ZNF385D: variants seen among roughly 807,000 people sequenced by gnomAD.
ZNF385D encodes the protein zinc finger protein 385D, also known as zinc finger protein 659.
ZNF385D carries 15 observed loss-of-function variants against 35.8 expected under a neutral mutation model. The ratio of observed to expected loss-of-function variants is 0.42; its 90% CI spans 0.28 to 0.64. The LOEUF (loss-of-function observed/expected upper bound fraction) is 0.64. Among genes scored for constraint, ZNF385D ranks in the 30% least tolerant of loss-of-function variants. The pLI, the probability that ZNF385D is intolerant of heterozygous loss-of-function variation, is 0.23. For missense variants in ZNF385D, 474 were observed against 494.6 expected (o/e 0.96, Z 0.39); for synonymous variants, 212 against 186.8 (o/e 1.13, Z -1.10).
chr3:21,730,626 C>A (rs1178197180), intron 1 of ZNF385D, among the ~76,000 whole-genome samples: 2 of 152,214 alleles, frequency 1.3e-5, no homozygotes, highest in African/African-American at 2.4e-5. Flanking sequence ...CACATTCTAT[C>A]TGCACAAAAT....
intron 3 of ZNF385D, among the ~76,000 whole-genome samples, chr3:22,086,198 G>T (rs1392288352): frequency 6.6e-6 from 1 of 152,170 alleles, no homozygotes; most frequent in Non-Finnish European, 1.5e-5. Context: ...GGAAGTTCTG[G>T]CCAGGGCAAT....
chr3:21,463,802 T>C (rs1020847323), intron 4 of ZNF385D, among the ~76,000 whole-genome samples: 1 of 152,182 alleles, frequency 6.6e-6, no homozygotes, highest in Non-Finnish European at 1.5e-5. Context: ...AAATTATGGA[T>C]AGAGCTGAAT....
At chr3:21,439,400 G>A (rs371998388) in intron 4 of ZNF385D, among the ~76,000 whole-genome samples, 1 of 150,338 alleles carries the variant, frequency 6.7e-6, no homozygotes, top group Non-Finnish European at 1.5e-5. Flanking sequence ...CCACTAAATT[G>A]TTCTTAGGAT....
intron 2 of ZNF385D, among the ~76,000 whole-genome samples, chr3:21,631,043 G>C (rs1321258234): frequency 6.6e-6 from 1 of 152,078 alleles, no homozygotes; most frequent in Non-Finnish European, 1.5e-5. Context: ...TGTTCTAAAA[G>C]GATATTTATA....
intron 3 of ZNF385D, among the ~76,000 whole-genome samples, chr3:22,072,958 C>G (rs1379110727): frequency 6.6e-6 from 1 of 151,950 alleles, no homozygotes; most frequent in East Asian, 1.9e-4. Context: ...AGAAGGGAGG[C>G]CACCTTGACT....
chr3:22,294,777 C>T (rs1215654148), intron 2 of ZNF385D, among the ~76,000 whole-genome samples: 4 of 152,054 alleles, frequency 2.6e-5, no homozygotes, highest in African/African-American at 9.7e-5. Context: ...AATTAATAAG[C>T]AATGTCAATG....
intron 3 of ZNF385D, among the ~76,000 whole-genome samples, chr3:21,855,666 T>C (rs1407204068): frequency 1.3e-5 from 2 of 152,060 alleles, no homozygotes; most frequent in Non-Finnish European, 2.9e-5. Context: ...AATCTCCATT[T>C]AGTCTACCCC....
chr3:21,814,306 A>G (rs1460520570), intron 3 of ZNF385D, among the ~76,000 whole-genome samples: 2 of 152,212 alleles, frequency 1.3e-5, no homozygotes, highest in Non-Finnish European at 2.9e-5. Flanking sequence ...GTGCAAAATA[A>G]CCAGCTAACA....
intron 2 of ZNF385D, among the ~76,000 whole-genome samples, chr3:22,196,365 T>C (rs1331019245): frequency 6.6e-6 from 1 of 152,058 alleles, no homozygotes; most frequent in Non-Finnish European, 1.5e-5. Flanking sequence ...AGTGTGTATT[T>C]TGCAACAATA....
At chr3:21,775,893 T>A (rs1038642158) in intron 3 of ZNF385D, among the ~76,000 whole-genome samples, 1 of 151,278 alleles carries the variant, frequency 6.6e-6, no homozygotes, top group East Asian at 1.9e-4. Flanking sequence ...ATTAGAAAAA[T>A]TTTAAAAAAT....
intron 4 of ZNF385D, among the ~76,000 whole-genome samples, chr3:21,500,416 G>A (rs187936860): frequency 1.9e-4 from 29 of 152,212 alleles, no homozygotes; most frequent in African/African-American, 7.0e-4. Flanking sequence ...AATTTCATGG[G>A]GTTGACAAGC....
intron 1 of ZNF385D, among the ~76,000 whole-genome samples, chr3:21,674,047 T>C (rs2066652184): frequency 6.6e-6 from 1 of 152,142 alleles, no homozygotes; most frequent in Non-Finnish European, 1.5e-5. Context: ...TGTTTACTCA[T>C]GATCTGTACC....
At chr3:21,778,520 T>C (rs571354360) in intron 3 of ZNF385D, among the ~76,000 whole-genome samples, 5 of 151,918 alleles carry the variant, frequency 3.3e-5, no homozygotes, top group Non-Finnish European at 7.4e-5. Context: ...TGACAGCTCT[T>C]GAAAATTCAG....
At chr3:22,040,292 A>T (rs1050082224) in intron 3 of ZNF385D, among the ~76,000 whole-genome samples, 1 of 152,194 alleles carries the variant, frequency 6.6e-6, no homozygotes, top group Non-Finnish European at 1.5e-5. Flanking sequence ...ACAAGACTAA[A>T]TTCTTCATAT....
intron 2 of ZNF385D, among the ~76,000 whole-genome samples, chr3:22,192,820 C>A (rs889444981): frequency 6.6e-6 from 1 of 152,142 alleles, no homozygotes; most frequent in Non-Finnish European, 1.5e-5. Context: ...ATTCTTGCCA[C>A]GACTTAGTGA....
intron 3 of ZNF385D, among the ~76,000 whole-genome samples, chr3:22,009,516 G>A (rs1340012316): frequency 2.0e-5 from 3 of 151,552 alleles, no homozygotes; most frequent in Admixed American, 1.3e-4. Context: ...CCAGCTACTC[G>A]GGAGGCTGAG....
intron 3 of ZNF385D, among the ~76,000 whole-genome samples, chr3:21,765,271 CT>C: frequency 6.6e-6 from 1 of 151,654 alleles, no homozygotes; most frequent in South Asian, 2.1e-4. Flanking sequence ...ATTTTACTGA[CT>C]TATTTTGCTA....
intron 3 of ZNF385D, among the ~76,000 whole-genome samples, chr3:21,988,842 C>G (rs1219149163): frequency 6.6e-6 from 1 of 152,194 alleles, no homozygotes; most frequent in Non-Finnish European, 1.5e-5. Context: ...GTAGGACCCT[C>G]CGAGCCAGGT....
chr3:21,858,925 C>T (rs74620726), intron 3 of ZNF385D, among the ~76,000 whole-genome samples: 3,877 of 152,110 alleles, frequency 0.025, 166 homozygotes, highest in African/African-American at 0.088. Context: ...CTGTAAATGC[C>T]ACATGGTTCC....
Sources: gnomAD v4.1 joint callset for allele counts (sites outside exome capture counted in the v4.1 genomes callset) on GRCh38, gnomAD v4.1.1 for gene constraint, MANE v1.5 for transcripts, NCBI Gene and HGNC (gene_info 2026-07-23, HGNC 2026-07-21) for gene names.